KRT15: variants seen among roughly 807,000 people sequenced by gnomAD.
The protein encoded by KRT15 is keratin 15.
A neutral mutation model predicts 46.6 loss-of-function variants in KRT15; 45 were observed. The ratio of observed to expected loss-of-function variants is 0.97; its 90% CI spans 0.76 to 1.24. The LOEUF is 1.24. KRT15 is among the 50% of genes most tolerant of loss of function. The probability of loss-of-function intolerance (pLI) is 0.00; values close to 1 mark genes in which losing one functional copy is unlikely to be tolerated. For synonymous variants in KRT15, 221 were observed against 233.8 expected (o/e 0.95, Z 0.50); for missense variants, 592 against 588.9 (o/e 1.01, Z -0.05).
intron 6 of KRT15, 102 bp from the exon 7 acceptor site, chr17:41,514,776 C>A: frequency 8.6e-7 from 1 of 1,168,754 alleles, no homozygotes; most frequent in Non-Finnish European, 1.3e-6. Flanking sequence ...AGACCCTACA[C>A]CACCACCACC....
intron 1 of KRT15, among the ~76,000 whole-genome samples, chr17:41,517,883 C>A (rs1905463177): frequency 6.6e-6 from 1 of 152,058 alleles, no homozygotes; most frequent in South Asian, 2.1e-4. Context: ...GGGCGAGTTG[C>A]TCTTTTTTTT....
chr17:41,517,804 A>C (rs1905458675), intron 1 of KRT15, among the ~76,000 whole-genome samples: 1 of 152,242 alleles, frequency 6.6e-6, no homozygotes, highest in African/African-American at 2.4e-5. Flanking sequence ...GCCACACTCC[A>C]ATCCCATTCT....
chr17:41,517,007 G>A (rs754797631), intron 2 of KRT15, 43 bp from the exon 3 acceptor site: 3 of 1,614,166 alleles, frequency 1.9e-6, no homozygotes, highest in Non-Finnish European at 2.5e-6. Context: ...AGGGGTCTTG[G>A]CTGCCTGAGT....
At position 41,516,800 on chromosome 17, in the gene KRT15, G is replaced by C. The variant is rs1267239629; in HGVS notation, c.738+8C>G. On this transcript the variant is annotated splice_region_variant and intron_variant, in intron 3 of 7. Coordinates refer to ENST00000254043, the MANE Select transcript of KRT15 (RefSeq NM_002275.4). The stretch of plus-strand genomic sequence containing the variant: ...TCGGGTTCAGGGGTGATGGGGGCCA[G>C]CTCTCACCTCTTCGTGGTTCTTCTT... The C allele has an allele frequency of 6.2e-7, 1 of 1,614,070 alleles. No homozygotes were observed. Among genetic ancestry groups the C allele is most frequent in the South Asian group, 1.1e-5 (1 of 91,076 alleles).
rs370565109 is a variant in KRT15, at chr17:41,518,817, G to T, written c.11C>A (p.Thr4Lys). 1 of 1,536,180 alleles carries T rather than the reference G, an allele frequency of 6.5e-7. No individual in the cohort carries two copies. The highest frequency in any genetic ancestry group is 1.4e-5 in the African/African-American group (1 of 71,872). The stretch of plus-strand genomic sequence containing the variant: ...GGTGGAGGAAGAAGTTTGCAGAAAT[G>T]TGGTGGTCATGGCCAGGTAGCTGGA... MTT[T>K]FLQTSSSTFG... The change falls in exon 1 of 8, where the codon ACA (threonine) becomes AAA (lysine). Residue 4 changes from threonine to lysine, a missense_variant. Transcript: ENST00000254043.
At chr17:41,514,797 A>C in intron 6 of KRT15, 123 bp from the exon 7 acceptor site, 2 of 868,544 alleles carry the variant, frequency 2.3e-6, no homozygotes, top group Admixed American at 2.1e-5. Flanking sequence ...CACACATCTG[A>C]CTCCTCTAGG....
intron 6 of KRT15, 99 bp downstream of exon 6, chr17:41,515,373 C>G (rs1301123455): frequency 2.9e-6 from 3 of 1,024,652 alleles, no homozygotes; most frequent in Non-Finnish European, 4.5e-6. Context: ...CACAGTCCCT[C>G]AAGGCTGCTT....
chr17:41,515,896 G>A lies in KRT15; in HGVS notation c.1015C>T (p.Gln339Ter). 2 of 1,614,080 alleles carry A rather than the reference G, an allele frequency of 1.2e-6. No homozygotes were observed. Among genetic ancestry groups the A allele is most frequent in the Non-Finnish European group, 1.7e-6 (2 of 1,179,952 alleles). Residue 339 changes from glutamine (Q) to a stop codon, truncating the protein, a stop_gained, in exon 5 of 8, where the codon CAG becomes TAG. Transcript: ENST00000254043. LOFTEE classifies it high-confidence loss of function. ...GCGAGTGGCCGTACCATGCTGAGCT[G>A]GGACTGCAGCTCGATCTCCAGCTCC... ...MQELEIELQS[Q>*]LSMKAGLENS...
intron 6 of KRT15, 144 bp from the exon 7 acceptor site, chr17:41,514,818 C>T (rs547952579): frequency 7.1e-6 from 5 of 708,346 alleles, no homozygotes; most frequent in Non-Finnish European, 1.2e-5. Flanking sequence ...GGTGGGACAT[C>T]CTGCTAGCCC....
rs754601306 is a variant in KRT15 at position 41,515,649 on chromosome 17, T to A, written c.1070A>T (p.Tyr357Phe). The A allele has an allele frequency of 1.9e-5, 30 of 1,614,060 alleles. No individual in the cohort carries two copies. The highest frequency in any genetic ancestry group is 1.6e-4 in the Middle Eastern group (1 of 6,084). The change falls in exon 6 of 8, where the codon TAT becomes TTT. Residue 357 changes from tyrosine (Y) to phenylalanine (F), a missense_variant. Coordinates refer to ENST00000254043, the MANE Select transcript of KRT15 (RefSeq NM_002275.4). ...CTGGATCTGCTGCAGCTGCGTGGCA[T>A]AGCGGCACTCTGTCTCGGCCAGTGA... Reference protein sequence around the residue: ...ENSLAETECRYATQLQQIQGL... With the variant: ...ENSLAETECRFATQLQQIQGL...
chr17:41,514,531 G>T (rs1905266004), intron 7 of KRT15, 118 bp downstream of exon 7: 4 of 922,852 alleles, frequency 4.3e-6, no homozygotes, highest in Non-Finnish European at 6.8e-6. Context: ...TAATGAATGG[G>T]AATGTTCCCA....
At chr17:41,517,687 A>G in intron 1 of KRT15, 1 of 171,696 alleles carries the variant, frequency 5.8e-6, no homozygotes, top group East Asian at 1.5e-4. Context: ...AGTGGGTGGC[A>G]GAATGTGTAA....
Position 41,516,911 on chromosome 17 carries a change from A to G in KRT15, c.635T>C (p.Leu212Ser). 6.2e-7 allele frequency: 1 copy of G among 1,614,224 alleles called. No homozygotes were observed. The highest frequency in any genetic ancestry group is 8.5e-7 in the Non-Finnish European group (1 of 1,180,032). ...RQGVEADING[L>S]RRVLDELTLA... The stretch of plus-strand genomic sequence containing the variant: ...GGTCAGCTCATCCAGGACTCGGCGC[A>G]AGCCGTTGATGTCAGCCTCAACGCC... Residue 212 changes from leucine to serine, a missense_variant, in exon 3 of 8, where the codon TTG becomes TCG. Leu to Ser is a moderately radical substitution (Grantham distance 145). Coordinates refer to ENST00000254043, the MANE Select transcript of KRT15 (RefSeq NM_002275.4).
intron 6 of KRT15, 37 bp downstream of exon 6, chr17:41,515,435 G>A: frequency 6.3e-7 from 1 of 1,577,616 alleles, no homozygotes; most frequent in Non-Finnish European, 8.7e-7. Context: ...GCCACAAGCA[G>A]CCCTCATCAC....
At position 41,516,948 on chromosome 17, in the gene KRT15, C is replaced by T. The variant is rs199922004; in HGVS notation, c.598G>A (p.Ala200Thr). The change falls in exon 3 of 8, where the codon GCC becomes ACC. Residue 200 changes from alanine to threonine, a missense_variant. By Grantham distance (58) the Ala-to-Thr change is moderately conservative. Transcript: ENST00000254043. The part of the protein sequence containing the change: ...DFRLKYENEL[A>T]LRQGVEADIN... ...TCAGCCTCAACGCCCTGGCGCAGGG[C>T]CAGCTCATTCTCATACCTGAGGAGA... is the stretch of plus-strand genomic sequence containing the variant. The T allele has an allele frequency of 1.2e-5, 19 of 1,614,092 alleles. No individual in the cohort carries two copies. The highest frequency in any genetic ancestry group is 1.4e-5 in the Non-Finnish European group (17 of 1,180,044).
intron 6 of KRT15, 200 bp downstream of exon 6, chr17:41,515,272 G>A (rs980659821): frequency 2.9e-5 from 17 of 587,162 alleles, no homozygotes; most frequent in Middle Eastern, 4.5e-4. Context: ...GAAGAAACAC[G>A]GATCCAGAGA....
intron 3 of KRT15, 99 bp from the exon 4 acceptor site, chr17:41,516,364 C>T (rs1326490579): frequency 5.4e-6 from 7 of 1,289,336 alleles, no homozygotes; most frequent in Non-Finnish European, 6.5e-6. Flanking sequence ...CGTAACACAC[C>T]CCAACCGCTG....
intron 3 of KRT15, 147 bp from the exon 4 acceptor site, chr17:41,516,412 C>T (rs1051347141): frequency 4.6e-6 from 4 of 867,874 alleles, no homozygotes; most frequent in African/African-American, 1.7e-5. Context: ...TCACATGGAC[C>T]CCTCAGCTCT....
Position 41,514,992 on chromosome 17 carries a change from G to A in KRT15, c.1248-318C>T, listed in dbSNP as rs575660868. 55 of 302,426 alleles carry A rather than the reference G, an allele frequency of 1.8e-4. 1 individual carries two copies. The East Asian group carries it at 3.6e-3, about 20-fold the overall frequency. 18.7% of individuals were successfully genotyped at this position (302,426 alleles called of 1,614,324 possible). ...AGTGATTCTTGTGCCTCAGCCTCCC[G>A]AGTAGCTGGGATTACAGGCACCCGC... On this transcript the variant is annotated intron_variant, in intron 6 of 7. Coordinates refer to ENST00000254043, the MANE Select transcript of KRT15 (RefSeq NM_002275.4).
Sources: gnomAD v4.1 joint callset for allele counts (sites outside exome capture counted in the v4.1 genomes callset) on GRCh38, gnomAD v4.1.1 for gene constraint, MANE v1.5 for transcripts, NCBI Gene and HGNC (gene_info 2026-07-23, HGNC 2026-07-21) for gene names.